Variants in BUD31 observed in about 807,000 individuals in gnomAD.
BUD31 encodes protein BUD31 homolog.
In BUD31, 9 loss-of-function variants were observed where a neutral mutation model predicts 17.9. The ratio of observed to expected loss-of-function variants is 0.50; its 90% confidence interval spans 0.30 to 0.88. BUD31 has a LOEUF of 0.88. BUD31 is among the 40% of genes least tolerant of loss of function. The pLI is 0.06. For missense variants in BUD31, 148 were observed against 184.5 expected, an observed-to-expected ratio of 0.80 and a Z score of 1.15; for synonymous variants, 70 against 64.7, an observed-to-expected ratio of 1.08 and a Z score of -0.39.
chr7:99,413,991 A>G, intron 3 of BUD31, among the ~76,000 whole-genome samples: 1 of 152,218 alleles, frequency 6.6e-6, no homozygotes, highest in Non-Finnish European at 1.5e-5. Context: ...CACATGGGTA[A>G]TGTGCCAACG....
At position 99,410,467 on chromosome 7, in the gene BUD31, T is replaced by C. The variant is rs1312216470; in HGVS notation, c.-30+298T>C. On this transcript the variant is annotated intron_variant, in intron 2 of 5. Transcript: ENST00000222969. ...CTGGTCTCAAATTCCTGGGCTCAAGTGATCCTCCCATCTCAGCCTCCCAAG... is the reference window on the plus strand; with the variant it reads ...CTGGTCTCAAATTCCTGGGCTCAAGCGATCCTCCCATCTCAGCCTCCCAAG... Among the ~76,000 whole-genome samples the C allele has an allele frequency of 2.0e-5, 3 of 151,398 alleles. No homozygotes were observed. The Admixed American group carries it at 2.0e-4, about 10-fold the overall frequency.
At chr7:99,412,873 A>C (rs1346742715) in intron 3 of BUD31, among the ~76,000 whole-genome samples, 1 of 150,966 alleles carries the variant, frequency 6.6e-6, no homozygotes, top group African/African-American at 2.4e-5. Flanking sequence ...CACCCGCCTC[A>C]GGCTCCCAAA....
chr7:99,415,647 C>T (rs1795397638), intron 3 of BUD31, among the ~76,000 whole-genome samples: 1 of 152,142 alleles, frequency 6.6e-6, no homozygotes, highest in Admixed American at 6.5e-5. Flanking sequence ...ACTAACGCTA[C>T]TGCTAGACCA....
intron 4 of BUD31, 35 bp downstream of exon 4, chr7:99,416,295 G>A (rs181615342): frequency 1.7e-5 from 27 of 1,599,134 alleles, no homozygotes; most frequent in Admixed American, 5.0e-5. Context: ...TTTGAAGCTC[G>A]CGTCACTTTT....
chr7:99,416,030 C>T, intron 3 of BUD31, 108 bp from the exon 4 acceptor site: 2 of 1,480,766 alleles, frequency 1.4e-6, no homozygotes, highest in South Asian at 1.3e-5. Context: ...CACAGCCATC[C>T]TAGTGGGTAT....
In BUD31 at chr7:99,417,478, T is replaced by A; in HGVS notation, c.267T>A (p.Ile89=). 3 of 1,611,934 alleles carry A rather than the reference T, an allele frequency of 1.9e-6. No homozygotes were observed. The highest frequency in any genetic ancestry group is 2.5e-6 in the Non-Finnish European group (3 of 1,179,088). ...IKEGYADKNL[I]AKWKKQGYEN... ...AAGGCTATGCAGACAAAAACCTGAT[T>A]GCAAAATGGAAAAAGCAAGGATATG... The change falls in exon 5 of 6, where the codon ATT becomes ATA. Residue 89 remains isoleucine (I), a synonymous_variant. Coordinates refer to ENST00000222969, the MANE Select transcript of BUD31 (RefSeq NM_003910.4).
chr7:99,414,699 G>A (rs537152990), intron 3 of BUD31, among the ~76,000 whole-genome samples: 1 of 152,084 alleles, frequency 6.6e-6, no homozygotes, highest in East Asian at 1.9e-4. Flanking sequence ...GGGTTCAAAC[G>A]ATTCTCCCAC....
intron 3 of BUD31, chr7:99,415,004 C>G (rs750823291): frequency 3.9e-6 from 1 of 258,164 alleles, no homozygotes; most frequent in Non-Finnish European, 7.7e-6. Flanking sequence ...CACATCCTTC[C>G]CAACACTTGT....
At chr7:99,416,314 T>C (rs974896314) in intron 4 of BUD31, 54 bp downstream of exon 4, 1 of 1,582,968 alleles carries the variant, frequency 6.3e-7, no homozygotes, top group South Asian at 1.1e-5. Context: ...TTGGAGTTAC[T>C]GAACTAACCA....
chr7:99,409,497 G>C (rs75933892), intron 1 of BUD31, among the ~76,000 whole-genome samples: 9 of 151,996 alleles, frequency 5.9e-5, no homozygotes, highest in Non-Finnish European at 1.2e-4. Flanking sequence ...TGACTTCCAG[G>C]CTGGATCAGG....
At position 99,418,047 on chromosome 7, in the gene BUD31, A is replaced by G; in HGVS notation, c.384+452A>G. ...CAGTGATGCCATCTTGGCTCACTGCAACCTCCACCTCCCGGGTTCAAGCGG... is the reference window on the plus strand; with the variant it reads ...CAGTGATGCCATCTTGGCTCACTGCGACCTCCACCTCCCGGGTTCAAGCGG... On this transcript the variant is annotated intron_variant, in intron 5 of 5. Coordinates refer to ENST00000222969, the MANE Select transcript of BUD31 (RefSeq NM_003910.4). The G allele has an allele frequency of 2.9e-6, 3 of 1,052,402 alleles. No individual in the cohort carries two copies. In the East Asian group the frequency reaches 2.5e-4, roughly 88 times the overall value. 65.2% of individuals were successfully genotyped at this position (1,052,402 alleles called of 1,614,324 possible). A position where few individuals can be genotyped will look rare whatever the true frequency, so the allele number is the denominator to read the frequency against.
At chr7:99,413,811 C>T (rs954340129) in intron 3 of BUD31, among the ~76,000 whole-genome samples, 2 of 152,202 alleles carry the variant, frequency 1.3e-5, no homozygotes, top group African/African-American at 2.4e-5. Flanking sequence ...AGGGTGTTCT[C>T]GAACTCCTGA....
chr7:99,417,080 A>G, intron 4 of BUD31: 1 of 211,550 alleles, frequency 4.7e-6, no homozygotes, highest in South Asian at 5.7e-5. Flanking sequence ...TTTTTTTGAG[A>G]TGGAGTTTCG....
chr7:99,415,336 G>A (rs1795366815), intron 3 of BUD31: 1 of 443,932 alleles, frequency 2.3e-6, no homozygotes, highest in South Asian at 1.6e-5. Flanking sequence ...GGCAGAGAGA[G>A]AGAGACAGCT....
At chr7:99,418,962 A>G in intron 5 of BUD31, 1 of 177,302 alleles carries the variant, frequency 5.6e-6, no homozygotes, top group South Asian at 1.2e-4. Flanking sequence ...CTGGGCCAGA[A>G]GGGTGTGACT....
chr7:99,417,825 A>G, intron 5 of BUD31: 2 of 1,486,302 alleles, frequency 1.3e-6, no homozygotes, highest in Non-Finnish European at 1.8e-6. Flanking sequence ...TTTTGGGCAA[A>G]TTACTGAACC....
chr7:99,415,985 G>A (rs988159504), intron 3 of BUD31, 153 bp from the exon 4 acceptor site: 10 of 910,566 alleles, frequency 1.1e-5, no homozygotes, highest in Middle Eastern at 2.3e-4. Context: ...TCGTGCCCTC[G>A]GTTTCTTGCC....
chr7:99,411,272 A>T, intron 3 of BUD31, 86 bp downstream of exon 3: 1 of 1,011,688 alleles, frequency 9.9e-7, no homozygotes, highest in East Asian at 2.4e-5. Flanking sequence ...AAATGCAAAT[A>T]TAAAAAGAGA....
chr7:99,419,167 A>G (rs761814783), intron 5 of BUD31: 1 of 578,932 alleles, frequency 1.7e-6, no homozygotes, highest in Non-Finnish European at 3.1e-6. Context: ...TGCAGAACAT[A>G]TTATAAATAG....
Sources: allele counts gnomAD v4.1 joint callset (sites outside exome capture counted in the v4.1 genomes callset), GRCh38; gene constraint gnomAD v4.1.1; transcripts MANE v1.5; gene names NCBI Gene and HGNC (gene_info 2026-07-23, HGNC 2026-07-21).